EVL: variants seen among roughly 807,000 people sequenced by gnomAD.
EVL encodes the protein ena/VASP-like protein.
In EVL, 21 loss-of-function variants were observed where a neutral mutation model predicts 59.6. That is an observed-to-expected ratio of 0.35 (90% confidence interval 0.25 to 0.51). The LOEUF is 0.51. EVL is among the 20% of genes least tolerant of loss of function. The probability of loss-of-function intolerance (pLI) is 0.97; values close to 1 mark genes in which losing one functional copy is unlikely to be tolerated. For missense variants in EVL, 462 were observed against 546.6 expected, an observed-to-expected ratio of 0.85 and a Z score of 1.54; for synonymous variants, 198 against 203.5, an observed-to-expected ratio of 0.97 and a Z score of 0.23.
At chr14:100,028,118 G>GT (rs199895832) in intron 1 of EVL, among the ~76,000 whole-genome samples, 4 of 113,728 alleles carry the variant, frequency 3.5e-5, no homozygotes, top group African/African-American at 1.7e-4. Context: ...ACTTTTAGTT[G>GT]TTTTTTTGTT....
rs1173357925 is a variant in EVL, at chr14:100,130,167, T to C, written c.839+483T>C. 6.6e-6 allele frequency among the ~76,000 whole-genome samples: 1 copy of C among 152,202 alleles called. No homozygotes were observed. Among genetic ancestry groups the C allele is most frequent in the African/African-American group, 2.4e-5 (1 of 41,458 alleles). ...GGTAGGAGCCCAGAGGGCATTGCCC[T>C]GAGCGACGGAGAGAGAGTAGTTCCA... On this transcript the variant is annotated intron_variant, in intron 7 of 13. Transcript: ENST00000392920. The surrounding 1 kb of genome is among the most constrained non-coding windows in gnomAD (Gnocchi z 4.8).
chr14:100,105,286 G>A (rs1886493067), intron 3 of EVL, among the ~76,000 whole-genome samples: 2 of 152,128 alleles, frequency 1.3e-5, no homozygotes, highest in Non-Finnish European at 1.5e-5. Context: ...CTCAGGATAT[G>A]TGTGATAACT....
At chr14:100,119,721 G>A (rs527691020) in intron 3 of EVL, among the ~76,000 whole-genome samples, 7 of 152,128 alleles carry the variant, frequency 4.6e-5, no homozygotes, top group East Asian at 1.9e-4. Flanking sequence ...ATTCCTCACC[G>A]CAGCTTGGTG....
Position 99,972,571 on chromosome 14 carries a change from C to T in EVL, c.5+514C>T, listed in dbSNP as rs2060741705. Among the ~76,000 whole-genome samples, 1 of 152,214 alleles carries T rather than the reference C, an allele frequency of 6.6e-6. No homozygotes were observed. The highest frequency in any genetic ancestry group is 1.5e-5 in the Non-Finnish European group (1 of 68,040). On this transcript the variant is annotated intron_variant, in intron 1 of 13. Coordinates refer to the EVL transcript ENST00000402714. This position sits in a 1 kb window ranked among gnomAD's most constrained non-coding sequence, Gnocchi z 4.4. ...AGTTTCCCCTCGACTTGGAGCCCGTCAACCCCTTCGTCTCCTAATTCTCAA... is the reference window on the plus strand; with the variant it reads ...AGTTTCCCCTCGACTTGGAGCCCGTTAACCCCTTCGTCTCCTAATTCTCAA...
chr14:100,035,594 A>T (rs1249381988), intron 1 of EVL, among the ~76,000 whole-genome samples: 1 of 152,082 alleles, frequency 6.6e-6, no homozygotes, highest in Non-Finnish European at 1.5e-5. Context: ...TCTTTGAGAC[A>T]TTTGTTTTCT....
At chr14:100,117,863 G>A (rs1369348755) in intron 3 of EVL, among the ~76,000 whole-genome samples, 1 of 152,200 alleles carries the variant, frequency 6.6e-6, no homozygotes, top group Non-Finnish European at 1.5e-5. Flanking sequence ...TAAGCCATTA[G>A]ACTTCTGCTA....
chr14:100,133,548 G>A (rs542669406), intron 8 of EVL, among the ~76,000 whole-genome samples: 27 of 152,282 alleles, frequency 1.8e-4, no homozygotes, highest in Non-Finnish European at 3.7e-4. Context: ...GCTGATCCAC[G>A]CCTCTCAGCC....
At chr14:100,025,010 C>G (rs1566973033) in intron 1 of EVL, among the ~76,000 whole-genome samples, 1 of 152,182 alleles carries the variant, frequency 6.6e-6, no homozygotes. Context: ...CCTACTGGCT[C>G]TACTACCACC....
chr14:99,984,475 G>T (rs2060827379), intron 1 of EVL, among the ~76,000 whole-genome samples: 1 of 152,102 alleles, frequency 6.6e-6, no homozygotes, highest in Non-Finnish European at 1.5e-5. Context: ...TAAATTAATA[G>T]ACTTTGTATT....
At chr14:100,047,243 C>T (rs987489135) in intron 1 of EVL, among the ~76,000 whole-genome samples, 4 of 150,652 alleles carry the variant, frequency 2.7e-5, no homozygotes, top group Non-Finnish European at 5.9e-5. Context: ...GTCCTTTGAT[C>T]CAGTCTCTTA....
At chr14:100,134,328 A>G (rs1326227214) in intron 8 of EVL, among the ~76,000 whole-genome samples, 1 of 152,172 alleles carries the variant, frequency 6.6e-6, no homozygotes, top group African/African-American at 2.4e-5. Flanking sequence ...CCTGAAAACT[A>G]AAACTCTCGC....
At chr14:100,013,354 A>G (rs999845923) in intron 1 of EVL, among the ~76,000 whole-genome samples, 1 of 152,250 alleles carries the variant, frequency 6.6e-6, no homozygotes, top group African/African-American at 2.4e-5. Flanking sequence ...TTTGAGGCAT[A>G]TTTGATAATA....
chr14:100,030,136 A>G (rs2061289306), intron 1 of EVL, among the ~76,000 whole-genome samples: 2 of 145,752 alleles, frequency 1.4e-5, no homozygotes, highest in Non-Finnish European at 1.5e-5. Flanking sequence ...CTTGTTGCCC[A>G]GGCTGGGGTA....
At chr14:99,991,239 A>G (rs2060873926) in intron 1 of EVL, among the ~76,000 whole-genome samples, 1 of 152,138 alleles carries the variant, frequency 6.6e-6, no homozygotes. Context: ...TCTCTAGCTT[A>G]TTTTAATTTA....
chr14:100,060,971 C>CA (rs76129316), upstream of EVL, among the ~76,000 whole-genome samples: 24,685 of 88,308 alleles, frequency 0.28, 3,030 homozygotes, highest in African/African-American at 0.45. Context: ...TGCTGAAAGA[C>CA]AAAAAAAAAA....
intron 1 of EVL, among the ~76,000 whole-genome samples, chr14:100,024,850 C>T (rs148672062): frequency 5.3e-5 from 8 of 152,182 alleles, no homozygotes; most frequent in South Asian, 4.2e-4. Context: ...TTCAGTCTTC[C>T]GCAGCCCAGT....
chr14:100,126,673 G>A, intron 4 of EVL, 34 bp from the exon 5 acceptor site: 1 of 1,612,084 alleles, frequency 6.2e-7, no homozygotes, highest in Non-Finnish European at 8.5e-7. Flanking sequence ...CCAGAGTGGA[G>A]GAGTCAGACT....
chr14:100,033,260 C>T (rs923524293), intron 1 of EVL, among the ~76,000 whole-genome samples: 7 of 152,178 alleles, frequency 4.6e-5, no homozygotes, highest in African/African-American at 1.7e-4. Context: ...TTCTAGATTC[C>T]TATACAAACA....
rs74085121 is a variant in EVL at position 100,129,543 on chromosome 14, G to A, written c.718-20G>A. On this transcript the variant is annotated intron_variant, in intron 6 of 13. Coordinates refer to ENST00000392920, the MANE Select transcript of EVL (RefSeq NM_016337.3). ...TGCCATCAGCAGCAGAATCTAAAAC[G>A]CGGCCTCCTTTTTCCTCAGCCAGAA... 9.3e-3 allele frequency: 14,975 copies of A among 1,612,564 alleles called. 779 individuals are homozygous for A. The East Asian group carries it at 0.17, about 18-fold the overall frequency.
Sources: gnomAD v4.1 joint callset for allele counts (sites outside exome capture counted in the v4.1 genomes callset) on GRCh38, gnomAD v4.1.1 for gene constraint, Gnocchi (gnomAD v3.1) non-coding constraint, MANE v1.5 for transcripts, NCBI Gene and HGNC (gene_info 2026-07-23, HGNC 2026-07-21) for gene names.